UHMK1: variants seen among roughly 807,000 people sequenced by gnomAD.
UHMK1 encodes U2AF homology motif kinase 1.
Under a neutral mutation model 44.0 loss-of-function variants are expected in UHMK1, and 18 were observed. That is an observed-to-expected ratio of 0.41 (90% CI 0.28 to 0.61). The LOEUF (loss-of-function observed/expected upper bound fraction) is 0.61. Among genes scored for constraint, UHMK1 ranks in the 20% least tolerant of loss-of-function variants. UHMK1 has a pLI of 0.31. For synonymous variants in UHMK1, 231 were observed against 198.5 expected, an observed-to-expected ratio of 1.16 and a Z score of -1.38; for missense variants, 463 against 522.5, an observed-to-expected ratio of 0.89 and a Z score of 1.11.
At chr1:162,499,030 A>G (rs1173619733) in intron 1 of UHMK1, among the ~76,000 whole-genome samples, 1 of 152,148 alleles carries the variant, frequency 6.6e-6, no homozygotes, top group Non-Finnish European at 1.5e-5. Flanking sequence ...TAGTTTACTA[A>G]ATGGTCTGTT....
At position 162,522,424 on chromosome 1, in the gene UHMK1, T is replaced by C. The variant is rs1253379382; in HGVS notation, c.1134T>C (p.Asn378=). The C allele has an allele frequency of 1.9e-6, 3 of 1,614,210 alleles. No individual in the cohort carries two copies. Among genetic ancestry groups the C allele is most frequent in the African/African-American group, 1.3e-5 (1 of 75,068 alleles). Residue 378 remains asparagine (N), a synonymous_variant, in exon 8 of 8, where the codon AAT becomes AAC. Transcript: ENST00000489294. ...GRGQVFVEYA[N]AGDSKAAQKL... is the part of the protein sequence containing the mutation. ...TTCAGGTCTTTGTTGAGTATGCAAA[T>C]GCTGGTGATTCCAAAGCTGCGCAGA...
chr1:162,521,518 C>T (rs1011911822), intron 7 of UHMK1, among the ~76,000 whole-genome samples: 1 of 152,144 alleles, frequency 6.6e-6, no homozygotes, highest in African/African-American at 2.4e-5. Flanking sequence ...CATACAGTGT[C>T]GTGATCTTGG....
intron 4 of UHMK1, among the ~76,000 whole-genome samples, chr1:162,507,306 G>T (rs1651502685): frequency 6.6e-6 from 1 of 152,004 alleles, no homozygotes; most frequent in East Asian, 1.9e-4. Flanking sequence ...TTTTAGTAGA[G>T]ACAGGGTTTC....
chr1:162,513,004 G>GT, intron 6 of UHMK1, 181 bp downstream of exon 6: 2 of 585,948 alleles, frequency 3.4e-6, no homozygotes, highest in East Asian at 7.5e-5. Context: ...CCAGGCTGGA[G>GT]TGCAGTGGCA....
intron 3 of UHMK1, 67 bp from the exon 4 acceptor site, chr1:162,503,687 C>A: frequency 9.5e-7 from 1 of 1,047,874 alleles, no homozygotes; most frequent in Non-Finnish European, 1.5e-6. Flanking sequence ...TCAAATAGTG[C>A]TATATGCCTA....
At chr1:162,509,167 T>A (rs752872009) in intron 4 of UHMK1, among the ~76,000 whole-genome samples, 1 of 152,202 alleles carries the variant, frequency 6.6e-6, no homozygotes, top group Non-Finnish European at 1.5e-5. Flanking sequence ...GGATAACTTT[T>A]CTTATATAGG....
At chr1:162,497,560 G>A (rs772833587), upstream of UHMK1, among the ~76,000 whole-genome samples, 1 of 152,058 alleles carries the variant, frequency 6.6e-6, no homozygotes, top group East Asian at 1.9e-4. Context: ...AATGTAGGCC[G>A]GGTTTTATTT....
At chr1:162,500,604 G>A in intron 2 of UHMK1, 2 of 405,884 alleles carry the variant, frequency 4.9e-6, no homozygotes, top group South Asian at 8.4e-5. Context: ...GCATATGATA[G>A]TTCTGCCAAA....
In UHMK1 at chr1:162,526,865, C is replaced by T. The variant is rs1305667839; in HGVS notation, c.*4315C>T. 3 of 152,074 alleles carry T rather than the reference C, an allele frequency of 2.0e-5. No homozygotes were observed. Among genetic ancestry groups the T allele is most frequent in the African/African-American group, 7.2e-5 (3 of 41,426 alleles). The allele number at this position is 152,074 out of a possible 1,614,324, so 9.4% of individuals were successfully genotyped here. A position where few individuals can be genotyped will look rare whatever the true frequency, so the allele number is the denominator to read the frequency against. On this transcript the variant is annotated 3_prime_UTR_variant, in exon 8 of 8. Transcript: ENST00000489294. Reference sequence around the variant, plus strand: ...CAGGTTCCTTCATCAAATTTTACTACTGTAGCTCTGTGATATAATTTCATT... The same window carrying T: ...CAGGTTCCTTCATCAAATTTTACTATTGTAGCTCTGTGATATAATTTCATT...
Position 162,503,788 on chromosome 1 carries a change from C to T in UHMK1, c.788C>T (p.Ala263Val), listed in dbSNP as rs757757394. The change falls in exon 4 of 8, where the codon GCC becomes GTC. Residue 263 changes from alanine to valine, a missense_variant. Ala to Val is a moderately conservative substitution (Grantham distance 64). This residue lies in a region of UHMK1 where 264 missense variants were observed against 326.3 expected (regional missense o/e 0.81). Coordinates refer to ENST00000489294, the MANE Select transcript of UHMK1 (RefSeq NM_175866.5). ...TCTGCTATTATTGATCACATATTTG[C>T]CAGTAAAGCAGTGGTGAATGCCGCA... ...NSSAIIDHIF[A>V]SKAVVNAAIP... is the part of the protein sequence containing the mutation. 6 of 1,613,872 alleles carry T rather than the reference C, an allele frequency of 3.7e-6. 1 individual carries two copies. In the Admixed American group the frequency reaches 5.0e-5, roughly 13 times the overall value.
Position 162,522,267 on chromosome 1 carries a change from G to A in UHMK1, c.1114-137G>A, listed in dbSNP as rs114712898. ...GTTTGTTTAGAACAGAAACTCAGGC[G>A]ACATCTCAGACCTAAGGAAGCAAAA... On this transcript the variant is annotated intron_variant, in intron 7 of 7. Coordinates refer to ENST00000489294, the MANE Select transcript of UHMK1 (RefSeq NM_175866.5). 485 of 887,838 alleles carry A rather than the reference G, an allele frequency of 5.5e-4. 1 individual carries two copies. Among genetic ancestry groups the A allele is most frequent in the Non-Finnish European group, 7.8e-4 (465 of 593,070 alleles). 55.0% of individuals were successfully genotyped at this position (887,838 alleles called of 1,614,324 possible). A position where few individuals can be genotyped will look rare whatever the true frequency, so the allele number is the denominator to read the frequency against.
rs551747224 is a variant in UHMK1 at position 162,524,818 on chromosome 1, G to A, written c.*2268G>A. 1 of 152,128 alleles carries A rather than the reference G, an allele frequency of 6.6e-6. No individual in the cohort carries two copies. The highest frequency in any genetic ancestry group is 2.4e-5 in the African/African-American group (1 of 41,430). The allele number at this position is 152,128 out of a possible 1,614,324, so 9.4% of individuals were successfully genotyped here. ...ACTGTAGAATTTTGTTACAGAAGATGGTTACTAGATTTTAAGGGAGCTGAG... is the reference window on the plus strand; with the variant it reads ...ACTGTAGAATTTTGTTACAGAAGATAGTTACTAGATTTTAAGGGAGCTGAG... On this transcript the variant is annotated 3_prime_UTR_variant, in exon 8 of 8. Transcript: ENST00000489294.
chr1:162,502,020 C>T (rs1178909513), intron 3 of UHMK1, among the ~76,000 whole-genome samples: 2 of 151,444 alleles, frequency 1.3e-5, no homozygotes, highest in African/African-American at 4.9e-5. Context: ...TATTAAACCT[C>T]AAAAAATTAG....
chr1:162,512,460 A>G (rs778009152), intron 4 of UHMK1, 40 bp from the exon 5 acceptor site: 2 of 1,545,022 alleles, frequency 1.3e-6, no homozygotes, highest in East Asian at 2.3e-5. Context: ...TTTTCAAAAG[A>G]TTCAGCAGAA....
At chr1:162,499,897 C>G in intron 1 of UHMK1, 58 bp from the exon 2 acceptor site, 1 of 1,552,890 alleles carries the variant, frequency 6.4e-7, no homozygotes, top group Non-Finnish European at 8.8e-7. Context: ...CAGTTACCTA[C>G]TTTAGTAGTG....
chr1:162,518,383 A>G (rs550872290), intron 7 of UHMK1, among the ~76,000 whole-genome samples, 193 bp downstream of exon 7: 1 of 152,046 alleles, frequency 6.6e-6, no homozygotes, highest in South Asian at 2.1e-4. Context: ...GCATTTTTTT[A>G]GCACTTAAAA....
chr1:162,497,888 A>G lies in UHMK1; in HGVS notation c.-113A>G, dbSNP rs374173518. On this transcript the variant is annotated 5_prime_UTR_variant, in exon 1 of 8. Coordinates refer to ENST00000489294, the MANE Select transcript of UHMK1 (RefSeq NM_175866.5). Reference sequence around the variant, plus strand: ...TCCCGGGAGTCGGTGAGGCGGCTGCAGGTCCCTCCCTGCGGAGCCGCTGGT... The same window carrying G: ...TCCCGGGAGTCGGTGAGGCGGCTGCGGGTCCCTCCCTGCGGAGCCGCTGGT... 712 of 1,411,010 alleles carry G rather than the reference A, an allele frequency of 5.0e-4. 2 individuals carry two copies. In the African/African-American group the frequency reaches 8.7e-3, roughly 17 times the overall value. 87.4% of individuals were successfully genotyped at this position (1,411,010 alleles called of 1,614,324 possible).
chr1:162,522,526 A>G lies in UHMK1; in HGVS notation c.1236A>G (p.Gly412=), dbSNP rs563836353. ...ACCCGCTGAGTGCCTACAAGAGGGG[A>G]TATCTGTATCAAACCTTGCTTTAAT... ...TFYPLSAYKR[G]YLYQTLL The change falls in exon 8 of 8, where the codon GGA becomes GGG. Residue 412 remains glycine, a synonymous_variant. Coordinates refer to ENST00000489294, the MANE Select transcript of UHMK1 (RefSeq NM_175866.5). The G allele has an allele frequency of 5.5e-5, 88 of 1,614,160 alleles. No individual in the cohort carries two copies. In the East Asian group the frequency reaches 1.7e-3, roughly 31 times the overall value.
At chr1:162,500,380 T>A in intron 2 of UHMK1, 133 bp downstream of exon 2, 1 of 1,077,066 alleles carries the variant, frequency 9.3e-7, no homozygotes, top group Non-Finnish European at 1.3e-6. Context: ...TGCCAGGGGA[T>A]GCAGTAAATC....
Sources: allele counts gnomAD v4.1 joint callset (sites outside exome capture counted in the v4.1 genomes callset), GRCh38; gene constraint gnomAD v4.1.1; regional missense constraint gnomAD v4.1.1; transcripts MANE v1.5; gene names NCBI Gene and HGNC (gene_info 2026-07-23, HGNC 2026-07-21).